Variants in ETV1 observed in about 807,000 individuals in gnomAD.
ETV1 encodes the protein ETS variant transcription factor 1.
Under a neutral mutation model 62.3 loss-of-function variants are expected in ETV1, and 27 were observed. That is an observed-to-expected ratio of 0.43 (90% CI 0.32 to 0.60). The LOEUF (loss-of-function observed/expected upper bound fraction) is 0.60. Ranked by LOEUF, ETV1 falls within the 20% of genes least tolerant of loss-of-function variation. The pLI, the probability that ETV1 is intolerant of heterozygous loss-of-function variation, is 0.06. For missense variants in ETV1, 605 were observed against 605.8 expected (o/e 1.00, Z 0.01); for synonymous variants, 222 against 199.6 (o/e 1.11, Z -0.94).
intron 5 of ETV1, among the ~76,000 whole-genome samples, chr7:13,977,862 C>T (rs948059640): frequency 9.2e-5 from 14 of 151,994 alleles, no homozygotes; most frequent in African/African-American, 3.4e-4. Flanking sequence ...TGTAAGCAGC[C>T]CACTTAAATT....
At chr7:13,986,178 C>G (rs1183248771) in intron 5 of ETV1, 3 of 1,591,858 alleles carry the variant, frequency 1.9e-6, no homozygotes, top group Non-Finnish European at 1.7e-6. Context: ...TTGAAGCATC[C>G]CGTCCTGATG....
chr7:13,932,891 G>C (rs891482524), intron 8 of ETV1, among the ~76,000 whole-genome samples: 3 of 152,148 alleles, frequency 2.0e-5, no homozygotes, highest in Non-Finnish European at 4.4e-5. Flanking sequence ...ATGGCAAAGC[G>C]ATTGCTTTAG....
At chr7:13,916,438 G>A (rs1287666126) in intron 9 of ETV1, among the ~76,000 whole-genome samples, 1 of 152,030 alleles carries the variant, frequency 6.6e-6, no homozygotes, top group Non-Finnish European at 1.5e-5. Flanking sequence ...AGGGGTTCGA[G>A]ACCACCCTAG....
chr7:13,961,720 C>A lies in ETV1; in HGVS notation c.235+15707G>T, dbSNP rs73276834. On this transcript the variant is annotated intron_variant, in intron 6 of 13. Transcript: ENST00000430479. ...CCAGAATTCATAACCCATAATCTTA[C>A]ACATAAGATGCTAACTGATCCTATA... is the stretch of plus-strand genomic sequence containing the variant. Among the ~76,000 whole-genome samples, 1,473 of 152,228 alleles carry A rather than the reference C, an allele frequency of 9.7e-3. 24 individuals carry two copies. Among genetic ancestry groups the A allele is most frequent in the African/African-American group, 0.033 (1,381 of 41,540 alleles).
At chr7:13,987,149 T>C (rs938666075) in intron 4 of ETV1, 2 of 147,050 alleles carry the variant, frequency 1.4e-5, no homozygotes, top group African/African-American at 5.6e-5. Flanking sequence ...ACTGTCAAAG[T>C]ATTATGTTTT....
intron 9 of ETV1, among the ~76,000 whole-genome samples, chr7:13,918,996 T>C (rs1784521395): frequency 6.6e-6 from 1 of 152,156 alleles, no homozygotes; most frequent in Non-Finnish European, 1.5e-5. Context: ...TACTGTACTT[T>C]AAATTATTAG....
At chr7:13,933,694 C>G (rs544068247) in intron 8 of ETV1, among the ~76,000 whole-genome samples, 3 of 152,212 alleles carry the variant, frequency 2.0e-5, no homozygotes, top group African/African-American at 7.2e-5. Context: ...GGCCAGAGCC[C>G]TCTAAGAAAT....
At chr7:13,972,865 T>C (rs1357182807) in intron 6 of ETV1, among the ~76,000 whole-genome samples, 1 of 152,164 alleles carries the variant, frequency 6.6e-6, no homozygotes, top group African/African-American at 2.4e-5. Flanking sequence ...CACTTCAGCC[T>C]TCCAAAGTGC....
chr7:13,917,384 C>T (rs757174391), intron 9 of ETV1, among the ~76,000 whole-genome samples: 32 of 151,708 alleles, frequency 2.1e-4, no homozygotes, highest in Non-Finnish European at 3.7e-4. Context: ...ACGGTGCGAT[C>T]TCAGCTCACT....
At chr7:13,949,680 G>C (rs1026941730) in intron 6 of ETV1, among the ~76,000 whole-genome samples, 1 of 152,108 alleles carries the variant, frequency 6.6e-6, no homozygotes, top group Non-Finnish European at 1.5e-5. Context: ...TGTTTACAGT[G>C]CCTGAAGAAA....
intron 9 of ETV1, among the ~76,000 whole-genome samples, chr7:13,922,871 A>C (rs1019799775): frequency 6.6e-6 from 1 of 152,218 alleles, no homozygotes; most frequent in African/African-American, 2.4e-5. Flanking sequence ...AGAAAGGATG[A>C]AAGAAAAGTG....
intron 11 of ETV1, 29 bp downstream of exon 11, chr7:13,909,603 C>A (rs1415855918): frequency 6.4e-7 from 1 of 1,570,906 alleles, no homozygotes. Flanking sequence ...TTAAAAAAAT[C>A]AGAACTTGAG....
At chr7:13,902,399 T>C (rs1782532831) in intron 12 of ETV1, among the ~76,000 whole-genome samples, 1 of 152,014 alleles carries the variant, frequency 6.6e-6, no homozygotes, top group South Asian at 2.1e-4. Context: ...AGAGATGCGA[T>C]GTAACAGGGA....
intron 7 of ETV1, among the ~76,000 whole-genome samples, chr7:13,937,384 C>G (rs1786921883): frequency 6.6e-6 from 1 of 152,190 alleles, no homozygotes; most frequent in Non-Finnish European, 1.5e-5. Flanking sequence ...TGATACTATT[C>G]CCCCATGAAA....
intron 6 of ETV1, among the ~76,000 whole-genome samples, chr7:13,944,873 G>C (rs1418290384): frequency 6.6e-6 from 1 of 152,150 alleles, no homozygotes; most frequent in African/African-American, 2.4e-5. Flanking sequence ...TCTGGATAAA[G>C]AGACATGCAC....
At chr7:13,957,770 T>C (rs994084065) in intron 6 of ETV1, among the ~76,000 whole-genome samples, 1 of 152,214 alleles carries the variant, frequency 6.6e-6, no homozygotes, top group Admixed American at 6.5e-5. Context: ...TATACAGCAC[T>C]CCTTTGTAAT....
At chr7:13,947,991 G>T (rs898767923) in intron 6 of ETV1, among the ~76,000 whole-genome samples, 6 of 152,158 alleles carry the variant, frequency 3.9e-5, no homozygotes, top group African/African-American at 1.4e-4. Flanking sequence ...GTATCTGTAT[G>T]TATGACCTTA....
At chr7:13,949,491 T>A (rs1324824489) in intron 6 of ETV1, among the ~76,000 whole-genome samples, 1 of 152,138 alleles carries the variant, frequency 6.6e-6, no homozygotes, top group African/African-American at 2.4e-5. Flanking sequence ...CAGAAGGCAT[T>A]TTCAGCTGCA....
intron 9 of ETV1, among the ~76,000 whole-genome samples, chr7:13,925,331 T>C (rs1785285545): frequency 6.6e-6 from 1 of 152,148 alleles, no homozygotes; most frequent in Admixed American, 6.5e-5. Flanking sequence ...TACACTGCAA[T>C]GTGCAAAGGA....
Sources: gnomAD v4.1 joint callset for allele counts (sites outside exome capture counted in the v4.1 genomes callset) on GRCh38, gnomAD v4.1.1 for gene constraint, MANE v1.5 for transcripts, NCBI Gene and HGNC (gene_info 2026-07-23, HGNC 2026-07-21) for gene names.